ATP11C: variants seen among roughly 807,000 people sequenced by gnomAD.
ATP11C encodes the protein ATPase phospholipid transporting 11C (ATP11C blood group), also known as phospholipid-transporting ATPase IG.
A neutral mutation model predicts 97.4 loss-of-function variants in ATP11C; 36 were observed. The ratio of observed to expected loss-of-function variants is 0.37; its 90% CI spans 0.28 to 0.49. The LOEUF is 0.49. ATP11C is among the 20% of genes least tolerant of loss of function. The pLI is 0.98. For synonymous variants in ATP11C, 275 were observed against 290.9 expected (o/e 0.95, Z 0.56); for missense variants, 730 against 824.6 (o/e 0.89, Z 1.40).
At chrX:139,812,708 C>A (rs750436590) in intron 5 of ATP11C, among the ~76,000 whole-genome samples, 1 of 110,365 alleles carries the variant, frequency 9.1e-6, no homozygotes, top group African/African-American at 3.3e-5. Flanking sequence ...TTTGGAGAGA[C>A]AGGGTTTTGC....
chrX:139,852,108 C>T (rs2083998854), intron 1 of ATP11C, among the ~76,000 whole-genome samples: 1 of 108,081 alleles, frequency 9.3e-6, no homozygotes, highest in South Asian at 4.1e-4. Flanking sequence ...AGGACATTGA[C>T]ACTGCAGTGA....
intron 2 of ATP11C, 66 bp from the exon 3 acceptor site, chrX:139,819,493 C>CTAA: frequency 9.2e-6 from 4 of 432,971 alleles, no homozygotes; most frequent in Non-Finnish European, 1.5e-5. Flanking sequence ...ATAGTAATGA[C>CTAA]TGATTATGGG....
At chrX:139,816,274 C>T (rs935071276) in intron 4 of ATP11C, among the ~76,000 whole-genome samples, 3 of 111,713 alleles carry the variant, frequency 2.7e-5, no homozygotes, top group Non-Finnish European at 5.6e-5. Context: ...ACATGATTAA[C>T]ATTGTTAACC....
intron 11 of ATP11C, 118 bp from the exon 12 acceptor site, chrX:139,796,588 A>G (rs1257102068): frequency 8.0e-6 from 4 of 500,751 alleles, no homozygotes; most frequent in Admixed American, 4.2e-5. Context: ...CTCTTGCTAT[A>G]AAGATGGAAC....
chrX:139,855,897 G>T (rs756111090), intron 1 of ATP11C, among the ~76,000 whole-genome samples: 1 of 111,958 alleles, frequency 8.9e-6, no homozygotes, highest in Non-Finnish European at 1.9e-5. Flanking sequence ...CCTTTATATC[G>T]TAGTTGGTCC....
At chrX:139,877,829 C>T (rs537364764) in intron 1 of ATP11C, among the ~76,000 whole-genome samples, 3 of 112,018 alleles carry the variant, frequency 2.7e-5, no homozygotes, top group African/African-American at 6.5e-5. Context: ...CGAGACCAGC[C>T]AGGCAAAAGT....
intron 15 of ATP11C, 58 bp from the exon 16 acceptor site, chrX:139,785,357 A>T (rs1302764361): frequency 8.2e-6 from 7 of 849,824 alleles, no homozygotes; most frequent in Non-Finnish European, 1.0e-5. Context: ...AATAAAGCAC[A>T]ACAGAAATAT....
At chrX:139,905,132 G>A (rs751583033) in intron 1 of ATP11C, among the ~76,000 whole-genome samples, 1 of 112,137 alleles carries the variant, frequency 8.9e-6, no homozygotes, top group East Asian at 2.8e-4. Context: ...TCTACAAAAT[G>A]TTGTGAAGTG....
intron 15 of ATP11C, 124 bp from the exon 16 acceptor site, chrX:139,785,423 G>T: frequency 2.2e-6 from 1 of 461,714 alleles, no homozygotes; most frequent in South Asian, 4.4e-5. Flanking sequence ...GTGCACAACT[G>T]GTACTTTCCT....
chrX:139,866,359 A>AAAAAAAAAC (rs2084285667), intron 1 of ATP11C, among the ~76,000 whole-genome samples: 2 of 105,537 alleles, frequency 1.9e-5, no homozygotes, highest in Admixed American at 2.1e-4. Context: ...AAAAAAAAAA[A>AAAAAAAAAC]AAAAAAAACA....
intron 14 of ATP11C, among the ~76,000 whole-genome samples, chrX:139,787,889 T>C (rs138336792): frequency 0.088 from 9,907 of 112,014 alleles, 469 homozygotes; most frequent in Admixed American, 0.18. Context: ...AGAAATAACA[T>C]GTGTTGTACA....
At chrX:139,801,140 C>A (rs1476739869) in intron 7 of ATP11C, among the ~76,000 whole-genome samples, 3 of 112,323 alleles carry the variant, frequency 2.7e-5, no homozygotes, top group African/African-American at 9.7e-5. Flanking sequence ...CTTAAAGCAA[C>A]TGAAAAATGT....
At chrX:139,923,213 C>A (rs1056243527) in intron 1 of ATP11C, among the ~76,000 whole-genome samples, 5 of 112,057 alleles carry the variant, frequency 4.5e-5, no homozygotes, top group Non-Finnish European at 7.5e-5. Context: ...TTGCCTCCTC[C>A]TGTAATGAGA....
chrX:139,799,423 TG>T (rs771247781), intron 8 of ATP11C, among the ~76,000 whole-genome samples: 24 of 111,128 alleles, frequency 2.2e-4, no homozygotes, highest in Non-Finnish European at 4.3e-4. Flanking sequence ...ACTCTCCCAC[TG>T]TTCTCCAGTT....
chrX:139,843,910 A>G (rs970681509), intron 1 of ATP11C, among the ~76,000 whole-genome samples: 1 of 104,098 alleles, frequency 9.6e-6, no homozygotes, highest in African/African-American at 3.8e-5. Flanking sequence ...GCTTCTGACA[A>G]AGAAAAAAAA....
chrX:139,894,881 A>T (rs970866964), intron 1 of ATP11C, among the ~76,000 whole-genome samples: 1 of 111,754 alleles, frequency 8.9e-6, no homozygotes, highest in Non-Finnish European at 1.9e-5. Context: ...ACATAGCAAG[A>T]CCCCGTCTCT....
intron 1 of ATP11C, among the ~76,000 whole-genome samples, chrX:139,846,289 C>T (rs2083907704): frequency 8.9e-6 from 1 of 112,094 alleles, no homozygotes; most frequent in Non-Finnish European, 1.9e-5. Context: ...AATTCTTAAA[C>T]AGCTAAATTA....
chrX:139,900,166 C>T (rs1000090651), intron 1 of ATP11C, among the ~76,000 whole-genome samples: 4 of 110,562 alleles, frequency 3.6e-5, no homozygotes, highest in Admixed American at 9.6e-5. Context: ...GTCGAGAGAT[C>T]GAGACCATCC....
intron 1 of ATP11C, among the ~76,000 whole-genome samples, chrX:139,877,833 CA>C (rs2084499766): frequency 8.9e-6 from 1 of 111,788 alleles, no homozygotes. Flanking sequence ...ACCAGCCAGG[CA>C]AAAGTGATGA....
Sources: allele counts gnomAD v4.1 joint callset (sites outside exome capture counted in the v4.1 genomes callset), GRCh38; gene constraint gnomAD v4.1.1; transcripts MANE v1.5; gene names NCBI Gene and HGNC (gene_info 2026-07-23, HGNC 2026-07-21).